DOCK2: variants seen among roughly 807,000 people sequenced by gnomAD.
DOCK2 encodes dedicator of cytokinesis protein 2.
Under a neutral mutation model 248.9 loss-of-function variants are expected in DOCK2, and 87 were observed. The ratio of observed to expected loss-of-function variants is 0.35; its 90% confidence interval spans 0.29 to 0.42. The LOEUF (loss-of-function observed/expected upper bound fraction) is 0.42. Among genes scored for constraint, DOCK2 ranks in the 10% least tolerant of loss-of-function variants. The pLI is 1.00. For synonymous variants in DOCK2, 805 were observed against 821.6 expected, an observed-to-expected ratio of 0.98 and a Z score of 0.35; for missense variants, 1,747 against 2,300.2, an observed-to-expected ratio of 0.76 and a Z score of 4.92.
intron 27 of DOCK2, among the ~76,000 whole-genome samples, chr5:169,960,662 AT>A (rs1777046685): frequency 6.6e-6 from 1 of 152,230 alleles, no homozygotes; most frequent in South Asian, 2.1e-4. Context: ...GTGTGGTAAT[AT>A]TCGGGTCTCT....
At chr5:169,654,614 C>A in intron 2 of DOCK2, 128 bp downstream of exon 2, 1 of 846,154 alleles carries the variant, frequency 1.2e-6, no homozygotes, top group Non-Finnish European at 1.8e-6. Context: ...TTTGGTAACG[C>A]TAGTAATTAG....
chr5:169,942,282 A>T (rs1337991630), intron 27 of DOCK2, among the ~76,000 whole-genome samples: 1 of 152,162 alleles, frequency 6.6e-6, no homozygotes, highest in African/African-American at 2.4e-5. Flanking sequence ...CTCTGCAATG[A>T]CTTCTGACTT....
At chr5:169,965,644 T>G (rs531027912) in intron 27 of DOCK2, among the ~76,000 whole-genome samples, 1 of 152,120 alleles carries the variant, frequency 6.6e-6, no homozygotes, top group Non-Finnish European at 1.5e-5. Context: ...CAGCAGAGTT[T>G]AGGAACCATG....
At chr5:169,815,048 G>A (rs1019447218) in intron 26 of DOCK2, among the ~76,000 whole-genome samples, 1 of 152,206 alleles carries the variant, frequency 6.6e-6, no homozygotes, top group Non-Finnish European at 1.5e-5. Context: ...GGAACATGGA[G>A]GAGCATAGGA....
At chr5:170,008,843 G>A (rs1755168070) in intron 32 of DOCK2, 97 bp downstream of exon 32, 1 of 1,416,286 alleles carries the variant, frequency 7.1e-7, no homozygotes, top group Admixed American at 1.7e-5. Flanking sequence ...TTAGCAGTGG[G>A]AGCATGAAAT....
chr5:169,912,155 ATT>A (rs894461723), intron 27 of DOCK2, among the ~76,000 whole-genome samples: 10 of 151,864 alleles, frequency 6.6e-5, no homozygotes, highest in African/African-American at 2.4e-4. Context: ...AGCGACTATT[ATT>A]TTTTCTTCTC....
intron 29 of DOCK2, among the ~76,000 whole-genome samples, chr5:169,992,353 A>C (rs528765084): frequency 6.6e-6 from 1 of 152,338 alleles, no homozygotes; most frequent in Non-Finnish European, 1.5e-5. Flanking sequence ...CTAGGTTGAG[A>C]TCTGATAACG....
chr5:169,992,197 T>C (rs982140202), intron 29 of DOCK2, among the ~76,000 whole-genome samples: 1 of 152,186 alleles, frequency 6.6e-6, no homozygotes, highest in African/African-American at 2.4e-5. Flanking sequence ...CTCAGAGATA[T>C]GTGAGCATTA....
At chr5:170,043,236 C>G (rs539189016) in intron 38 of DOCK2, among the ~76,000 whole-genome samples, 82 of 152,292 alleles carry the variant, frequency 5.4e-4, no homozygotes, top group African/African-American at 1.9e-3. Context: ...CTTCCCTTGA[C>G]CTAAGAGACT....
At chr5:169,757,008 G>A (rs1476878794) in intron 23 of DOCK2, among the ~76,000 whole-genome samples, 1 of 152,052 alleles carries the variant, frequency 6.6e-6, no homozygotes, top group Non-Finnish European at 1.5e-5. Flanking sequence ...TTAGACTTCA[G>A]AGGTTGTAAA....
chr5:169,716,449 A>G, intron 20 of DOCK2, 147 bp downstream of exon 20: 1 of 715,194 alleles, frequency 1.4e-6, no homozygotes, highest in East Asian at 2.8e-5. Flanking sequence ...AACAAGACCA[A>G]TAATGAGCTG....
At chr5:169,681,391 T>G (rs1581024859) in intron 6 of DOCK2, among the ~76,000 whole-genome samples, 1 of 151,920 alleles carries the variant, frequency 6.6e-6, no homozygotes, top group African/African-American at 2.4e-5. Flanking sequence ...CCCAAAGTGC[T>G]GGGATTACAG....
chr5:169,700,837 T>G (rs540258278), intron 13 of DOCK2, among the ~76,000 whole-genome samples: 22 of 151,104 alleles, frequency 1.5e-4, no homozygotes, highest in African/African-American at 5.1e-4. Context: ...TTATCTGATC[T>G]TGCAAGAAAT....
chr5:169,749,022 A>G (rs540012733), intron 23 of DOCK2, among the ~76,000 whole-genome samples: 4 of 152,302 alleles, frequency 2.6e-5, no homozygotes, highest in Admixed American at 6.5e-5. Context: ...AGCAAATCTC[A>G]AAGTCTATAG....
At chr5:170,047,745 C>A (rs1253166810) in intron 40 of DOCK2, 131 bp downstream of exon 40, 5 of 696,820 alleles carry the variant, frequency 7.2e-6, no homozygotes, top group Non-Finnish European at 1.2e-5. Context: ...CTGCCCCCAT[C>A]CCCAGGAGAC....
chr5:170,037,251 A>G (rs1429681385), intron 36 of DOCK2, among the ~76,000 whole-genome samples: 1 of 151,956 alleles, frequency 6.6e-6, no homozygotes, highest in Non-Finnish European at 1.5e-5. Flanking sequence ...TATACATTGA[A>G]TTCTATGCAT....
At chr5:169,809,751 C>T (rs894869833) in intron 26 of DOCK2, among the ~76,000 whole-genome samples, 14 of 152,342 alleles carry the variant, frequency 9.2e-5, no homozygotes, top group African/African-American at 3.4e-4. Context: ...TCTCTGGTTC[C>T]ATTAAAATCC....
chr5:169,889,428 T>C (rs899799023), intron 27 of DOCK2, among the ~76,000 whole-genome samples: 1 of 152,248 alleles, frequency 6.6e-6, no homozygotes, highest in Admixed American at 6.5e-5. Context: ...TGATCCCTAT[T>C]GTAGCACTAA....
rs1385499981 is a variant in DOCK2, at chr5:169,764,856, G to GTTGTTGTTT, written c.2554+3239_2554+3240insTTTGTTGTT. Among the ~76,000 whole-genome samples, 2 of 151,920 alleles carry GTTGTTGTTT rather than the reference G, an allele frequency of 1.3e-5. No homozygotes were observed. The highest frequency in any genetic ancestry group is 2.9e-5 in the Non-Finnish European group (2 of 67,994). Reference sequence around the variant, plus strand: ...GACTTTGAACGTGTTTGTTGTTGTTGTTGTTGTTGTTGTTGTTTTCAATTT... The same window carrying GTTGTTGTTT: ...GACTTTGAACGTGTTTGTTGTTGTTGTTGTTGTTTTTGTTGTTGTTGTTGTTTTCAATTT... On this transcript the variant is annotated intron_variant, in intron 25 of 51. Coordinates refer to ENST00000520908, the MANE Select transcript of DOCK2 (RefSeq NM_004946.3). The surrounding 1 kb of genome is among the most constrained non-coding windows in gnomAD (Gnocchi z 4.3).
Sources: gnomAD v4.1 joint callset for allele counts (sites outside exome capture counted in the v4.1 genomes callset) on GRCh38, gnomAD v4.1.1 for gene constraint, Gnocchi (gnomAD v3.1) non-coding constraint, MANE v1.5 for transcripts, NCBI Gene and HGNC (gene_info 2026-07-23, HGNC 2026-07-21) for gene names.